TTLL11: variants seen among roughly 807,000 people sequenced by gnomAD.
The protein encoded by TTLL11 is tubulin tyrosine ligase like 11.
Under a neutral mutation model 51.7 loss-of-function variants are expected in TTLL11, and 42 were observed. That is an observed-to-expected ratio of 0.81 (90% CI 0.64 to 1.05). TTLL11 has a LOEUF of 1.05. Among genes scored for constraint, TTLL11 ranks in the 50% least tolerant of loss-of-function variants. The pLI is 0.00. For missense variants in TTLL11, 799 were observed against 940.4 expected, an observed-to-expected ratio of 0.85 and a Z score of 1.97; for synonymous variants, 381 against 383.5, an observed-to-expected ratio of 0.99 and a Z score of 0.08.
rs1467291506 is a variant in TTLL11 at position 121,860,326 on chromosome 9, T to G, written c.1840+11A>C. The G allele has an allele frequency of 6.5e-7, 1 of 1,548,988 alleles. No homozygotes were observed. Among genetic ancestry groups the G allele is most frequent in the Non-Finnish European group, 8.7e-7 (1 of 1,145,198 alleles). On this transcript the variant is annotated intron_variant, in intron 8 of 8. Transcript: ENST00000321582. ...CCCCCACAGGCCATGGCAGAGGCAT[T>G]TGTCAAATACCTGAGTCCCGCTGGT... is the stretch of plus-strand genomic sequence containing the variant.
chr9:121,834,955 C>T (rs1837143646), intron 8 of TTLL11, among the ~76,000 whole-genome samples: 1 of 152,136 alleles, frequency 6.6e-6, no homozygotes, highest in Non-Finnish European at 1.5e-5. Flanking sequence ...CTGAAGTTGG[C>T]CAATTTCTTT....
At chr9:121,867,610 T>TGAGA (rs1217621603) in intron 7 of TTLL11, among the ~76,000 whole-genome samples, 1 of 152,190 alleles carries the variant, frequency 6.6e-6, no homozygotes, top group Non-Finnish European at 1.5e-5. Flanking sequence ...AAATTTGGGC[T>TGAGA]ATGCATGCCA....
intron 4 of TTLL11, 56 bp from the exon 5 acceptor site, chr9:121,975,035 G>T: frequency 7.9e-7 from 1 of 1,267,796 alleles, no homozygotes; most frequent in Non-Finnish European, 1.1e-6. Context: ...TGGTATTAGG[G>T]TCATTAAGTT....
intron 6 of TTLL11, among the ~76,000 whole-genome samples, chr9:121,895,090 A>C (rs1839404361): frequency 6.6e-6 from 1 of 152,172 alleles, no homozygotes; most frequent in Admixed American, 6.5e-5. Flanking sequence ...AAGACAGGGG[A>C]CTAAATAAAG....
At chr9:121,836,242 C>T (rs1252990023) in intron 8 of TTLL11, among the ~76,000 whole-genome samples, 1 of 152,170 alleles carries the variant, frequency 6.6e-6, no homozygotes, top group Non-Finnish European at 1.5e-5. Flanking sequence ...CAGACCTAGC[C>T]ATTCACTCAG....
At chr9:121,911,320 C>T (rs1389165478) in intron 6 of TTLL11, among the ~76,000 whole-genome samples, 1 of 152,126 alleles carries the variant, frequency 6.6e-6, no homozygotes, top group Non-Finnish European at 1.5e-5. Flanking sequence ...TCGCTTGAAC[C>T]CAGGACGTGG....
At chr9:122,037,006 T>C (rs1844721788) in intron 2 of TTLL11, among the ~76,000 whole-genome samples, 2 of 152,240 alleles carry the variant, frequency 1.3e-5, no homozygotes, top group South Asian at 4.1e-4. Context: ...TTCTTTGGAA[T>C]GAATATCATT....
At chr9:121,975,322 G>A (rs904063612) in intron 4 of TTLL11, among the ~76,000 whole-genome samples, 13 of 152,220 alleles carry the variant, frequency 8.5e-5, no homozygotes, top group Non-Finnish European at 1.2e-4. Context: ...TTCTGCTCTC[G>A]TTTACTAAGT....
chr9:121,848,611 A>C (rs1260184013), intron 8 of TTLL11, among the ~76,000 whole-genome samples: 1 of 152,216 alleles, frequency 6.6e-6, no homozygotes, highest in East Asian at 1.9e-4. Context: ...GCAATGAACA[A>C]ATGGAATTTG....
intron 8 of TTLL11, among the ~76,000 whole-genome samples, chr9:121,832,711 G>A (rs543086633): frequency 6.6e-6 from 1 of 152,296 alleles, no homozygotes; most frequent in East Asian, 1.9e-4. Context: ...AGGCCAAAGT[G>A]GGTGGATCAC....
chr9:122,029,596 G>A (rs968811009), intron 3 of TTLL11, among the ~76,000 whole-genome samples: 12 of 152,328 alleles, frequency 7.9e-5, no homozygotes, highest in Admixed American at 5.9e-4. Context: ...TGTACAGTGT[G>A]TGTTTTAAGC....
rs189199895 is a variant in TTLL11 at position 122,010,921 on chromosome 9, C to T, written c.693+20802G>A. On this transcript the variant is annotated intron_variant, in intron 3 of 8. Transcript: ENST00000321582. ...CCTGCTAAGTACCTAGAGAGGAATG[C>T]GTAAGCTTGGGCATGGCACTTGAAC... Among the ~76,000 whole-genome samples, 12 of 152,292 alleles carry T rather than the reference C, an allele frequency of 7.9e-5. No individual in the cohort carries two copies. The East Asian group carries it at 1.5e-3, about 20-fold the overall frequency.
chr9:121,906,551 C>T (rs1280855343), intron 6 of TTLL11, among the ~76,000 whole-genome samples: 1 of 151,972 alleles, frequency 6.6e-6, no homozygotes, highest in Non-Finnish European at 1.5e-5. Context: ...CTAGACTTAG[C>T]ACAGAAACCA....
intron 6 of TTLL11, among the ~76,000 whole-genome samples, chr9:121,943,342 C>T (rs989284153): frequency 2.6e-5 from 4 of 152,056 alleles, no homozygotes; most frequent in Admixed American, 6.6e-5. Context: ...GCGTACGGAC[C>T]GTAACAGACA....
intron 7 of TTLL11, among the ~76,000 whole-genome samples, chr9:121,861,768 T>C (rs1298318067): frequency 6.6e-6 from 1 of 152,110 alleles, no homozygotes; most frequent in African/African-American, 2.4e-5. Context: ...CAGAAGCAAT[T>C]TCCCACTGGA....
chr9:121,829,800 C>T (rs1836940368), intron 8 of TTLL11, among the ~76,000 whole-genome samples: 1 of 151,536 alleles, frequency 6.6e-6, no homozygotes, highest in African/African-American at 2.4e-5. Context: ...CACACACACA[C>T]ACACACACAC....
rs143750134 is a variant in TTLL11 at position 121,908,771 on chromosome 9, C to T, written c.1482-38023G>A. ...GTAGATGGCTGTCTTCTCCCTGAGT[C>T]TTCACATTGTCTTCTCTCTCTGTGT... On this transcript the variant is annotated intron_variant, in intron 6 of 8. Coordinates refer to ENST00000321582, the MANE Select transcript of TTLL11 (RefSeq NM_001139442.2). 1.2e-3 allele frequency among the ~76,000 whole-genome samples: 180 copies of T among 152,256 alleles called. 2 individuals are homozygous for T. The highest frequency in any genetic ancestry group is 4.1e-3 in the African/African-American group (172 of 41,558).
chr9:121,920,284 A>G (rs1840484678), intron 6 of TTLL11, among the ~76,000 whole-genome samples: 1 of 152,214 alleles, frequency 6.6e-6, no homozygotes. Context: ...GCCTGGTGAC[A>G]AGGTGAGACT....
chr9:121,873,020 C>T (rs550322469), intron 6 of TTLL11, among the ~76,000 whole-genome samples: 1 of 152,314 alleles, frequency 6.6e-6, no homozygotes, highest in South Asian at 2.1e-4. Flanking sequence ...AAAGGCGACA[C>T]TTTTACCGGA....
Sources: allele counts gnomAD v4.1 joint callset (sites outside exome capture counted in the v4.1 genomes callset), GRCh38; gene constraint gnomAD v4.1.1; transcripts MANE v1.5; gene names NCBI Gene and HGNC (gene_info 2026-07-23, HGNC 2026-07-21).